The following ASH1L variants were observed in gnomAD, a reference collection of about 807,000 sequenced individuals.
The protein encoded by ASH1L is ASH1 like histone lysine methyltransferase.
Under a neutral mutation model 269.0 loss-of-function variants are expected in ASH1L, and 23 were observed. The observed-to-expected ratio is 0.09, with a 90% CI of 0.06 to 0.12. The LOEUF (loss-of-function observed/expected upper bound fraction) is 0.12. ASH1L is among the 10% of genes least tolerant of loss of function. The pLI is 1.00. For synonymous variants in ASH1L, 1,187 were observed against 1,253.5 expected (o/e 0.95, Z 1.12); for missense variants, 2,912 against 3,567.8 (o/e 0.82, Z 4.68).
intron 4 of ASH1L, chr1:155,440,739 C>T (rs1315631177): frequency 2.0e-5 from 3 of 152,400 alleles, no homozygotes; most frequent in Non-Finnish European, 4.4e-5. Flanking sequence ...CATCTATATT[C>T]TGATGACTAC....
At chr1:155,508,302 T>C (rs1268669735) in intron 2 of ASH1L, among the ~76,000 whole-genome samples, 1 of 152,236 alleles carries the variant, frequency 6.6e-6, no homozygotes, top group African/African-American at 2.4e-5. Context: ...AAAGTTTTTC[T>C]TTCCACTTGG....
chr1:155,558,193 G>T (rs1265017940), intron 1 of ASH1L, among the ~76,000 whole-genome samples: 1 of 152,164 alleles, frequency 6.6e-6, no homozygotes, highest in Admixed American at 6.5e-5. Flanking sequence ...TGATGTGCAG[G>T]TGCGGTGGCT....
chr1:155,428,416 T>A (rs1307811963), intron 5 of ASH1L, among the ~76,000 whole-genome samples: 3 of 149,282 alleles, frequency 2.0e-5, no homozygotes. Flanking sequence ...CACTCTAGCT[T>A]AGGCGACAAC....
In ASH1L at chr1:155,378,563, G is replaced by C. The variant is rs762689467; in HGVS notation, c.6178-15C>G. ...TTTTTGTATAGCTAGAAGAAAAGAA[G>C]AAAAATCTTGATATAGCATTTAACT... On this transcript the variant is annotated splice_polypyrimidine_tract_variant and intron_variant, in intron 8 of 27. Coordinates refer to ENST00000392403, the MANE Select transcript of ASH1L (RefSeq NM_018489.3). 1 of 1,598,976 alleles carries C rather than the reference G, an allele frequency of 6.3e-7. No individual in the cohort carries two copies. Among genetic ancestry groups the C allele is most frequent in the African/African-American group, 1.3e-5 (1 of 74,232 alleles).
At position 155,478,978 on chromosome 1, in the gene ASH1L, G is replaced by T; in HGVS notation, c.3892C>A (p.Leu1298Ile). ...IAELEELISR[L>I]SEIRITHRSH... ...CGATGAGTGATCCGAATTTCACTTAGGCGACTTATTAGTTCCTCCAGCTCT... is the reference window on the plus strand; with the variant it reads ...CGATGAGTGATCCGAATTTCACTTATGCGACTTATTAGTTCCTCCAGCTCT... The change falls in exon 3 of 28, where the codon CTA (leucine) becomes ATA (isoleucine). Residue 1298 changes from leucine to isoleucine, a missense_variant. Transcript: ENST00000392403. This position sits in a 1 kb window ranked among gnomAD's most constrained non-coding sequence, Gnocchi z 4.6. 1 of 1,613,612 alleles carries T rather than the reference G, an allele frequency of 6.2e-7. No individual in the cohort carries two copies. The highest frequency in any genetic ancestry group is 8.5e-7 in the Non-Finnish European group (1 of 1,180,022).
At chr1:155,468,940 A>G (rs1570907115) in intron 3 of ASH1L, among the ~76,000 whole-genome samples, 1 of 152,232 alleles carries the variant, frequency 6.6e-6, no homozygotes, top group Admixed American at 6.5e-5. Context: ...GAAAAAGCAA[A>G]TAATAAACCA....
At chr1:155,494,654 A>C (rs1171576682) in intron 2 of ASH1L, among the ~76,000 whole-genome samples, 3 of 152,214 alleles carry the variant, frequency 2.0e-5, no homozygotes, top group African/African-American at 7.2e-5. Context: ...GAAGTGAGGA[A>C]ATTATTAACT....
intron 1 of ASH1L, among the ~76,000 whole-genome samples, chr1:155,542,359 C>T (rs1421335576): frequency 6.6e-6 from 1 of 152,074 alleles, no homozygotes; most frequent in Non-Finnish European, 1.5e-5. Context: ...ACCATCCTGG[C>T]TAACACAGTG....
chr1:155,473,203 A>G (rs1665239387), intron 3 of ASH1L, among the ~76,000 whole-genome samples: 1 of 152,206 alleles, frequency 6.6e-6, no homozygotes, highest in African/African-American at 2.4e-5. Flanking sequence ...GCCATAAGCA[A>G]TGTAGTTCTG....
In ASH1L at chr1:155,449,827, T is replaced by C. The variant is rs1663341204; in HGVS notation, c.5086+9970A>G. ...AGCCACTGCGCCCAGCCGAGAAAAA[T>C]GTGTTTTATATTTTCCCATTGGTTG... On this transcript the variant is annotated intron_variant, in intron 4 of 27. Transcript: ENST00000392403. Among the ~76,000 whole-genome samples, 4 of 152,008 alleles carry C rather than the reference T, an allele frequency of 2.6e-5. No individual in the cohort carries two copies. The South Asian group carries it at 8.3e-4, about 32-fold the overall frequency.
intron 1 of ASH1L, among the ~76,000 whole-genome samples, chr1:155,546,526 C>A (rs532601958): frequency 6.6e-6 from 1 of 151,850 alleles, no homozygotes; most frequent in Non-Finnish European, 1.5e-5. Context: ...TTTGGGAGGC[C>A]GAGGCGGGCA....
Position 155,338,208 on chromosome 1 carries a change from G to T in ASH1L, c.8684C>A (p.Thr2895Lys), listed in dbSNP as rs765572014. Reference protein sequence around the residue: ...TANVSEGEKKTEESSQEPQST... With the variant: ...TANVSEGEKKKEESSQEPQST... ...CTGGGGTTCTTGACTACTTTCCTCT[G>T]TTTTTTTTTCACCCTCACTGACGTT... Residue 2895 changes from threonine to lysine, a missense_variant, in exon 27 of 28, where the codon ACA (threonine) becomes AAA (lysine). Thr to Lys is a moderately conservative substitution (Grantham distance 78, BLOSUM62 -1). Coordinates refer to ENST00000392403, the MANE Select transcript of ASH1L (RefSeq NM_018489.3). 6 of 1,600,404 alleles carry T rather than the reference G, an allele frequency of 3.7e-6. No homozygotes were observed. The highest frequency in any genetic ancestry group is 5.1e-6 in the Non-Finnish European group (6 of 1,169,556).
chr1:155,479,390 C>A lies in ASH1L; in HGVS notation c.3480G>T (p.Arg1160=), dbSNP rs753270580. ...AMKKASKGRR[R]LSPPTLLPNS... is the part of the protein sequence containing the mutation. ...TTGGCAACAAAGTAGGAGGAGATAA[C>A]CGCCTCCTCCCCTTTGAGGCCTTCT... is the stretch of plus-strand genomic sequence containing the variant. The change falls in exon 3 of 28, where the codon CGG becomes CGT. Residue 1160 remains arginine (R), a synonymous_variant. Coordinates refer to ENST00000392403, the MANE Select transcript of ASH1L (RefSeq NM_018489.3). 1.9e-6 allele frequency: 3 copies of A among 1,614,060 alleles called. No homozygotes were observed. The Admixed American group carries it at 5.0e-5, about 27-fold the overall frequency.
intron 5 of ASH1L, chr1:155,433,317 G>C: frequency 3.2e-6 from 5 of 1,583,272 alleles, no homozygotes; most frequent in Non-Finnish European, 4.3e-6. Flanking sequence ...GGAGGGCCAG[G>C]AATCGGGCCG....
intron 1 of ASH1L, among the ~76,000 whole-genome samples, chr1:155,536,395 A>G (rs1034312784): frequency 2.0e-5 from 3 of 152,184 alleles, no homozygotes; most frequent in African/African-American, 7.2e-5. Context: ...CAGGCCTTGA[A>G]AAGATCATCT....
chr1:155,405,303 T>C (rs1250073553), intron 6 of ASH1L, among the ~76,000 whole-genome samples: 3 of 151,270 alleles, frequency 2.0e-5, no homozygotes. Context: ...GCCAACATGG[T>C]GAAACCCTGT....
At chr1:155,459,076 A>C (rs1664092338) in intron 4 of ASH1L, among the ~76,000 whole-genome samples, 1 of 152,102 alleles carries the variant, frequency 6.6e-6, no homozygotes, top group Admixed American at 6.5e-5. Context: ...AAATATATAA[A>C]CATTAGCAAT....
intron 2 of ASH1L, among the ~76,000 whole-genome samples, chr1:155,498,563 T>C (rs546499662): frequency 1.3e-5 from 2 of 152,156 alleles, no homozygotes; most frequent in African/African-American, 4.8e-5. Flanking sequence ...TCCCTCAGCC[T>C]TCCAAGTAGC....
chr1:155,348,440 A>C (rs1653560210), intron 19 of ASH1L, among the ~76,000 whole-genome samples: 1 of 151,932 alleles, frequency 6.6e-6, no homozygotes, highest in African/African-American at 2.4e-5. Flanking sequence ...TCTCCAAGGC[A>C]TGTCAAAATT....
Sources: allele counts gnomAD v4.1 joint callset (sites outside exome capture counted in the v4.1 genomes callset), GRCh38; gene constraint gnomAD v4.1.1; non-coding constraint Gnocchi (gnomAD v3.1); transcripts MANE v1.5; gene names NCBI Gene and HGNC (gene_info 2026-07-23, HGNC 2026-07-21).